Variants in DLGAP5 observed in about 807,000 individuals in gnomAD.
The protein encoded by DLGAP5 is DLG associated protein 5.
In DLGAP5, 90 loss-of-function variants were observed where a neutral mutation model predicts 99.6. That is an observed-to-expected ratio of 0.90 (90% CI 0.76 to 1.08). The LOEUF (loss-of-function observed/expected upper bound fraction) is 1.08. Ranked by LOEUF, DLGAP5 falls within the 50% of genes least tolerant of loss-of-function variation. The probability of loss-of-function intolerance (pLI) is 0.00; values close to 1 mark genes in which losing one functional copy is unlikely to be tolerated. For synonymous variants in DLGAP5, 311 were observed against 321.3 expected (o/e 0.97, Z 0.34); for missense variants, 1,036 against 983.5 (o/e 1.05, Z -0.71).
intron 11 of DLGAP5, among the ~76,000 whole-genome samples, chr14:55,169,998 G>A (rs1040307570): frequency 3.9e-5 from 6 of 152,104 alleles, no homozygotes; most frequent in Admixed American, 3.9e-4. Context: ...AGCTGGGCCT[G>A]GTGGCAGGCA....
intron 12 of DLGAP5, among the ~76,000 whole-genome samples, chr14:55,163,483 A>G (rs1882517521): frequency 6.6e-6 from 1 of 152,204 alleles, no homozygotes. Context: ...AAGCTGCTAT[A>G]TTGCTAAAAA....
chr14:55,181,910 T>C lies in DLGAP5; in HGVS notation c.495+460A>G, dbSNP rs558923933. Among the ~76,000 whole-genome samples, 16 of 152,344 alleles carry C rather than the reference T, an allele frequency of 1.1e-4. No homozygotes were observed. The South Asian group carries it at 1.9e-3, about 18-fold the overall frequency. ...AAAGCCTACAACACCAGGAACATCA[T>C]AGCAATGCAAAATATATATGCATAC... On this transcript the variant is annotated intron_variant, in intron 4 of 18. Transcript: ENST00000247191.
chr14:55,166,223 A>G (rs1882636525), intron 12 of DLGAP5, among the ~76,000 whole-genome samples: 1 of 152,256 alleles, frequency 6.6e-6, no homozygotes, highest in Admixed American at 6.5e-5. Flanking sequence ...TGTGAAGTAC[A>G]CAAGGCAAGC....
chr14:55,160,034 C>T (rs1243253904), intron 13 of DLGAP5, among the ~76,000 whole-genome samples: 1 of 152,028 alleles, frequency 6.6e-6, no homozygotes, highest in African/African-American at 2.4e-5. Context: ...GAAACACCAG[C>T]TCCACTAAAA....
At chr14:55,181,106 C>A in intron 5 of DLGAP5, 107 bp downstream of exon 5, 1 of 1,106,066 alleles carries the variant, frequency 9.0e-7, no homozygotes, top group Non-Finnish European at 1.3e-6. Context: ...CAGAGCAAGA[C>A]TCTGTCACAA....
chr14:55,190,312 A>ACACACG (rs1446818745), intron 1 of DLGAP5, among the ~76,000 whole-genome samples: 1 of 151,940 alleles, frequency 6.6e-6, no homozygotes, highest in Non-Finnish European at 1.5e-5. Flanking sequence ...ACACACACAC[A>ACACACG]CACGCACAAA....
chr14:55,177,273 C>T lies in DLGAP5; in HGVS notation c.838G>A (p.Gly280Arg), dbSNP rs1352228712. ...GATAAGACTCCATCTGGATTCATTCCACTTGTTGCATTAGTTTGTGAATTC... is the reference window on the plus strand; with the variant it reads ...GATAAGACTCCATCTGGATTCATTCTACTTGTTGCATTAGTTTGTGAATTC... ...TLNSQTNATS[G>R]MNPDGVLSKM... Residue 280 changes from glycine to arginine, a missense_variant, in exon 8 of 19, where the codon GGA becomes AGA. Coordinates refer to ENST00000247191, the MANE Select transcript of DLGAP5 (RefSeq NM_014750.5). The T allele has an allele frequency of 1.2e-6, 2 of 1,611,390 alleles. No individual in the cohort carries two copies. Among genetic ancestry groups the T allele is most frequent in the African/African-American group, 1.3e-5 (1 of 74,752 alleles).
At position 55,162,959 on chromosome 14, in the gene DLGAP5, C is replaced by G. The variant is rs1268866397; in HGVS notation, c.1653+12G>C. 1 of 1,489,508 alleles carries G rather than the reference C, an allele frequency of 6.7e-7. No individual in the cohort carries two copies. Among genetic ancestry groups the G allele is most frequent in the African/African-American group, 1.4e-5 (1 of 70,418 alleles). The allele number at this position is 1,489,508 out of a possible 1,614,324, so 92.3% of individuals were successfully genotyped here. On this transcript the variant is annotated intron_variant, in intron 13 of 18. Transcript: ENST00000247191. ...AAAAAAAAAAAATTGGATATAAAAC[C>G]CACAAACTTACCCTAAAGACATTTT...
intron 13 of DLGAP5, among the ~76,000 whole-genome samples, chr14:55,162,341 C>T (rs567130889): frequency 1.3e-5 from 2 of 152,146 alleles, no homozygotes; most frequent in South Asian, 2.1e-4. Context: ...ACCTTTAGGC[C>T]GGGCACGGTG....
intron 15 of DLGAP5, 143 bp from the exon 16 acceptor site, chr14:55,152,790 G>T: frequency 3.2e-6 from 2 of 615,446 alleles, no homozygotes; most frequent in Non-Finnish European, 5.1e-6. Context: ...GCGTGATCCA[G>T]ATAGATTAGT....
intron 1 of DLGAP5, among the ~76,000 whole-genome samples, chr14:55,189,720 GCT>G (rs890061928): frequency 6.6e-6 from 1 of 152,188 alleles, no homozygotes; most frequent in Admixed American, 6.5e-5. Flanking sequence ...GAGCTTCCAT[GCT>G]CTCTCAGGTA....
intron 13 of DLGAP5, among the ~76,000 whole-genome samples, chr14:55,160,272 G>C (rs538293284): frequency 6.6e-6 from 1 of 151,060 alleles, no homozygotes; most frequent in African/African-American, 2.4e-5. Flanking sequence ...GCACACGCCT[G>C]TAATCCCAGC....
intron 7 of DLGAP5, among the ~76,000 whole-genome samples, chr14:55,178,243 C>G (rs1317546609): frequency 1.3e-5 from 2 of 151,514 alleles, no homozygotes; most frequent in African/African-American, 4.9e-5. Context: ...CAGAGCGAGA[C>G]TCTGTCTCAA....
At chr14:55,160,754 G>A (rs1482591435) in intron 13 of DLGAP5, among the ~76,000 whole-genome samples, 1 of 152,060 alleles carries the variant, frequency 6.6e-6, no homozygotes, top group East Asian at 1.9e-4. Flanking sequence ...AGAAGAGTTA[G>A]AATTTAAAAT....
chr14:55,173,845 CTTACT>C (rs139884070), intron 10 of DLGAP5, among the ~76,000 whole-genome samples: 12,490 of 152,124 alleles, frequency 0.082, 1,361 homozygotes, highest in African/African-American at 0.25. Flanking sequence ...CCTGTCTTTA[CTTACT>C]TTAATCTCTT....
intron 12 of DLGAP5, among the ~76,000 whole-genome samples, chr14:55,164,994 A>G (rs1882588907): frequency 6.6e-6 from 1 of 151,986 alleles, no homozygotes; most frequent in South Asian, 2.1e-4. Context: ...AAAACATGCC[A>G]TTAAGAGGAT....
chr14:55,182,507 A>G (rs79347087), intron 3 of DLGAP5, 75 bp from the exon 4 acceptor site: 22 of 1,294,568 alleles, frequency 1.7e-5, no homozygotes, highest in Non-Finnish European at 2.4e-5. Flanking sequence ...ATTACAAAAT[A>G]AAGTTCCCAT....
intron 12 of DLGAP5, among the ~76,000 whole-genome samples, chr14:55,163,988 T>G (rs1882543844): frequency 6.6e-6 from 1 of 152,224 alleles, no homozygotes; most frequent in Non-Finnish European, 1.5e-5. Flanking sequence ...CTTCTCATTT[T>G]CTTGACATAA....
At chr14:55,165,484 A>G (rs1882605011) in intron 12 of DLGAP5, among the ~76,000 whole-genome samples, 3 of 151,956 alleles carry the variant, frequency 2.0e-5, no homozygotes, top group Non-Finnish European at 2.9e-5. Context: ...GATTGTGCCA[A>G]TGCACTCCAG....
Sources: allele counts gnomAD v4.1 joint callset (sites outside exome capture counted in the v4.1 genomes callset), GRCh38; gene constraint gnomAD v4.1.1; transcripts MANE v1.5; gene names NCBI Gene and HGNC (gene_info 2026-07-23, HGNC 2026-07-21).